The following CUEDC2 variants were observed in gnomAD, a reference collection of about 807,000 sequenced individuals.
CUEDC2 encodes the protein CUE domain-containing protein 2.
CUEDC2 carries 10 observed loss-of-function variants against 36.0 expected under a neutral mutation model. The observed-to-expected ratio is 0.28, with a 90% CI of 0.17 to 0.47. CUEDC2 has a LOEUF of 0.47. CUEDC2 is among the 20% of genes least tolerant of loss of function. The probability of loss-of-function intolerance (pLI) is 0.99; values close to 1 mark genes in which losing one functional copy is unlikely to be tolerated. For synonymous variants in CUEDC2, 133 were observed against 141.8 expected, an observed-to-expected ratio of 0.94 and a Z score of 0.44; for missense variants, 269 against 368.1, an observed-to-expected ratio of 0.73 and a Z score of 2.20.
intron 1 of CUEDC2, among the ~76,000 whole-genome samples, chr10:102,430,139 T>C (rs1176620987): frequency 1.9e-5 from 2 of 106,548 alleles, no homozygotes; most frequent in Admixed American, 1.0e-4. Context: ...TTCTTTTTTT[T>C]TTTTTAATTT....
intron 1 of CUEDC2, among the ~76,000 whole-genome samples, chr10:102,429,021 C>CAA (rs11352968): frequency 1.1e-3 from 108 of 102,150 alleles, no homozygotes; most frequent in Admixed American, 5.6e-3. Context: ...GACTTTGTCT[C>CAA]AAAAAAAAAA....
intron 2 of CUEDC2, 105 bp downstream of exon 2, chr10:102,425,010 C>A: frequency 9.4e-7 from 1 of 1,063,554 alleles, no homozygotes; most frequent in Non-Finnish European, 1.4e-6. Context: ...CTCAGCAAAT[C>A]CTAGTCAGCC....
intron 1 of CUEDC2, among the ~76,000 whole-genome samples, chr10:102,428,591 T>C (rs2061606097): frequency 6.6e-6 from 1 of 152,192 alleles, no homozygotes; most frequent in Non-Finnish European, 1.5e-5. Context: ...CATTTTAAAA[T>C]TCCCTTCCTT....
intron 1 of CUEDC2, among the ~76,000 whole-genome samples, chr10:102,428,954 G>A (rs1342219114): frequency 1.1e-4 from 17 of 151,556 alleles, no homozygotes; most frequent in African/African-American, 3.9e-4. Context: ...CCTGGGAGGC[G>A]GAGGTTGCAG....
intron 1 of CUEDC2, among the ~76,000 whole-genome samples, chr10:102,428,850 C>T (rs944712524): frequency 6.6e-5 from 10 of 151,916 alleles, no homozygotes; most frequent in African/African-American, 2.2e-4. Flanking sequence ...AGTGAAACCC[C>T]GTCTCTACTA....
chr10:102,426,735 C>T (rs957503150), intron 1 of CUEDC2, among the ~76,000 whole-genome samples: 4 of 152,064 alleles, frequency 2.6e-5, no homozygotes, highest in Non-Finnish European at 5.9e-5. Flanking sequence ...CAGCTCAAGC[C>T]ATCCTCCTGC....
intron 1 of CUEDC2, among the ~76,000 whole-genome samples, chr10:102,430,370 T>C (rs1007904997): frequency 5.1e-4 from 78 of 151,662 alleles, no homozygotes; most frequent in Non-Finnish European, 5.9e-5. Flanking sequence ...GGTTTCTCCA[T>C]GTTGGTCAGG....
chr10:102,430,582 A>G (rs555293122), intron 1 of CUEDC2, among the ~76,000 whole-genome samples: 1 of 152,340 alleles, frequency 6.6e-6, no homozygotes, highest in East Asian at 1.9e-4. Flanking sequence ...CTGTCCCCAA[A>G]TAAAAAGACT....
In CUEDC2 at chr10:102,423,509, T is replaced by G. The variant is rs1329226102; in HGVS notation, c.781A>C (p.Lys261Gln). Residue 261 changes from lysine (K) to glutamine (Q), a missense_variant, in exon 9 of 9, where the codon AAA (lysine) becomes CAA (glutamine). Physicochemically the swap from Lys to Gln is moderately conservative, Grantham distance 53. Transcript: ENST00000369937. This position sits in a 1 kb window ranked among gnomAD's most constrained non-coding sequence, Gnocchi z 5.6. ...QVVSTKGERF[K>Q]DVRNPEAEEM... Reference sequence around the variant, plus strand: ...TCGGCCTCAGGGTTCCGCACATCTTTGAATCGCTCCCCTTTGGTGCTCACT... The same window carrying G: ...TCGGCCTCAGGGTTCCGCACATCTTGGAATCGCTCCCCTTTGGTGCTCACT... The G allele has an allele frequency of 6.2e-7, 1 of 1,614,234 alleles. No homozygotes were observed. Among genetic ancestry groups the G allele is most frequent in the South Asian group, 1.1e-5 (1 of 91,086 alleles).
At position 102,424,084 on chromosome 10, in the gene CUEDC2, G is replaced by A; in HGVS notation, c.506C>T (p.Ala169Val). ...TTCTTCCAAGTCCCCCCGAGCTTTGGCCAGCACCCACTGGGCCTGCTCCAC... is the reference window on the plus strand; with the variant it reads ...TTCTTCCAAGTCCCCCCGAGCTTTGACCAGCACCCACTGGGCCTGCTCCAC... ...CSVEQAQWVL[A>V]KARGDLEEAV... The change falls in exon 6 of 9, where the codon GCC becomes GTC. Residue 169 changes from alanine (A) to valine (V), a missense_variant. Ala to Val is a moderately conservative substitution (Grantham distance 64). Coordinates refer to ENST00000369937, the MANE Select transcript of CUEDC2 (RefSeq NM_024040.3). This position sits in a 1 kb window ranked among gnomAD's most constrained non-coding sequence, Gnocchi z 4.2. 1 of 1,614,068 alleles carries A rather than the reference G, an allele frequency of 6.2e-7. No individual in the cohort carries two copies. The highest frequency in any genetic ancestry group is 1.7e-5 in the Admixed American group (1 of 60,012).
chr10:102,424,222 C>T lies in CUEDC2; in HGVS notation c.411+42G>A, dbSNP rs1249373312. ...ACAAGAGGCAATACTCCCCCCTTTCCAGCCCCCTGGGTCCCTCATCGGTAC... is the reference window on the plus strand; with the variant it reads ...ACAAGAGGCAATACTCCCCCCTTTCTAGCCCCCTGGGTCCCTCATCGGTAC... On this transcript the variant is annotated intron_variant, in intron 5 of 8. Coordinates refer to ENST00000369937, the MANE Select transcript of CUEDC2 (RefSeq NM_024040.3). The surrounding 1 kb of genome is among the most constrained non-coding windows in gnomAD (Gnocchi z 4.2). The T allele has an allele frequency of 6.2e-7, 1 of 1,610,458 alleles. No homozygotes were observed. The highest frequency in any genetic ancestry group is 8.5e-7 in the Non-Finnish European group (1 of 1,177,830).
chr10:102,431,542 G>T (rs949560124), intron 1 of CUEDC2, among the ~76,000 whole-genome samples: 7 of 152,138 alleles, frequency 4.6e-5, no homozygotes, highest in African/African-American at 1.7e-4. Flanking sequence ...TTACACCCAG[G>T]CTGTCTGGAT....
At chr10:102,426,430 C>T (rs2061596842) in intron 1 of CUEDC2, among the ~76,000 whole-genome samples, 2 of 152,174 alleles carry the variant, frequency 1.3e-5, no homozygotes, top group Non-Finnish European at 2.9e-5. Context: ...CCTCCAAACA[C>T]ACATCTGCTT....
Position 102,423,416 on chromosome 10 carries a change from G to A in CUEDC2, c.*10C>T, listed in dbSNP as rs755450757. 5.6e-6 allele frequency: 9 copies of A among 1,614,082 alleles called. No homozygotes were observed. The highest frequency in any genetic ancestry group is 2.2e-5 in the East Asian group (1 of 44,900). Reference sequence around the variant, plus strand: ...AGCCTAGAAGGCTCGGGCAGAGTCCGGCGAGTGCCTCAATGGAAGCGGTAC... The same window carrying A: ...AGCCTAGAAGGCTCGGGCAGAGTCCAGCGAGTGCCTCAATGGAAGCGGTAC... On this transcript the variant is annotated 3_prime_UTR_variant, in exon 9 of 9. Transcript: ENST00000369937. The surrounding 1 kb of genome is among the most constrained non-coding windows in gnomAD (Gnocchi z 5.6).
In CUEDC2 at chr10:102,423,396, A is replaced by G; in HGVS notation, c.*30T>C. The G allele has an allele frequency of 1.2e-6, 2 of 1,613,904 alleles. No individual in the cohort carries two copies. Among genetic ancestry groups the G allele is most frequent in the Non-Finnish European group, 1.7e-6 (2 of 1,179,856 alleles). On this transcript the variant is annotated 3_prime_UTR_variant, in exon 9 of 9. Coordinates refer to ENST00000369937, the MANE Select transcript of CUEDC2 (RefSeq NM_024040.3). This position sits in a 1 kb window ranked among gnomAD's most constrained non-coding sequence, Gnocchi z 5.6. ...CTGCATCCCTCTGGGATCTGAGCCT[A>G]GAAGGCTCGGGCAGAGTCCGGCGAG... is the stretch of plus-strand genomic sequence containing the variant.
At chr10:102,430,059 C>T (rs2061610993) in intron 1 of CUEDC2, among the ~76,000 whole-genome samples, 1 of 150,796 alleles carries the variant, frequency 6.6e-6, no homozygotes, top group South Asian at 2.1e-4. Context: ...CTTGGCCTCC[C>T]AAAGTGCTGG....
In CUEDC2 at chr10:102,423,289, G is replaced by A. The variant is rs1197287270; in HGVS notation, c.*137C>T. Reference sequence around the variant, plus strand: ...TTACTGTGCCCATGGAGGCAGCTCCGAGAGTAGGTTAACACTATGGAGCAA... The same window carrying A: ...TTACTGTGCCCATGGAGGCAGCTCCAAGAGTAGGTTAACACTATGGAGCAA... On this transcript the variant is annotated 3_prime_UTR_variant, in exon 9 of 9. Coordinates refer to ENST00000369937, the MANE Select transcript of CUEDC2 (RefSeq NM_024040.3). The surrounding 1 kb of genome is among the most constrained non-coding windows in gnomAD (Gnocchi z 5.6). 6.2e-6 allele frequency: 7 copies of A among 1,138,140 alleles called. No homozygotes were observed. The highest frequency in any genetic ancestry group is 1.4e-5 in the South Asian group (1 of 69,024). 70.5% of individuals were successfully genotyped at this position (1,138,140 alleles called of 1,614,324 possible). A position where few individuals can be genotyped will look rare whatever the true frequency, so the allele number is the denominator to read the frequency against.
intron 1 of CUEDC2, among the ~76,000 whole-genome samples, chr10:102,428,273 A>G (rs984176627): frequency 3.9e-5 from 6 of 152,076 alleles, no homozygotes; most frequent in Admixed American, 2.6e-4. Flanking sequence ...CTAACACTCA[A>G]ACTCTTTCAT....
At position 102,423,773 on chromosome 10, in the gene CUEDC2, C is replaced by G. The variant is rs759778636; in HGVS notation, c.656+25G>C. ...TCACCCTGGGAAGACCCTCTAGGGC[C>G]CAGCCCAGCCCAGCCCAGACTCACT... On this transcript the variant is annotated intron_variant, in intron 7 of 8. Coordinates refer to ENST00000369937, the MANE Select transcript of CUEDC2 (RefSeq NM_024040.3). This position sits in a 1 kb window ranked among gnomAD's most constrained non-coding sequence, Gnocchi z 5.6. 1 of 1,613,304 alleles carries G rather than the reference C, an allele frequency of 6.2e-7. No homozygotes were observed. Among genetic ancestry groups the G allele is most frequent in the Non-Finnish European group, 8.5e-7 (1 of 1,179,634 alleles).
Sources: gnomAD v4.1 joint callset for allele counts (sites outside exome capture counted in the v4.1 genomes callset) on GRCh38, gnomAD v4.1.1 for gene constraint, Gnocchi (gnomAD v3.1) non-coding constraint, MANE v1.5 for transcripts, NCBI Gene and HGNC (gene_info 2026-07-23, HGNC 2026-07-21) for gene names.